BMPR1A: variants seen among roughly 807,000 people sequenced by gnomAD.
BMPR1A encodes the protein bone morphogenetic protein receptor type 1A, also known as bone morphogenetic protein receptor type-1A.
A neutral mutation model predicts 66.0 loss-of-function variants in BMPR1A; 7 were observed. That is an observed-to-expected ratio of 0.11 (90% CI 0.06 to 0.20). The LOEUF (loss-of-function observed/expected upper bound fraction) is 0.20. Ranked by LOEUF, BMPR1A falls within the 10% of genes least tolerant of loss-of-function variation. BMPR1A has a pLI of 1.00. For synonymous variants in BMPR1A, 200 were observed against 229.7 expected, an observed-to-expected ratio of 0.87 and a Z score of 1.17; for missense variants, 408 against 669.1, an observed-to-expected ratio of 0.61 and a Z score of 4.31.
chr10:86,818,615 C>A (rs1185006002), intron 1 of BMPR1A, among the ~76,000 whole-genome samples: 1 of 152,064 alleles, frequency 6.6e-6, no homozygotes, highest in East Asian at 1.9e-4. Context: ...GTAGTATAAG[C>A]AAAACAACAA....
rs1301635068 is a variant in BMPR1A, at chr10:86,919,580, A to G, written c.1166+111A>G. 6 of 1,413,754 alleles carry G rather than the reference A, an allele frequency of 4.2e-6. No homozygotes were observed. The African/African-American group carries it at 7.7e-5, about 18-fold the overall frequency. 87.6% of individuals were successfully genotyped at this position (1,413,754 alleles called of 1,614,324 possible). ...TAAAAATGTGCATATGCTTGTTTTT[A>G]GTTACATAAATGTATAGTTGGGGGG... On this transcript the variant is annotated intron_variant, in intron 10 of 12. Transcript: ENST00000372037.
chr10:86,797,186 T>G (rs1335888866), intron 1 of BMPR1A, among the ~76,000 whole-genome samples: 4 of 148,140 alleles, frequency 2.7e-5, no homozygotes, highest in African/African-American at 9.8e-5. Flanking sequence ...TGCCTCAGCC[T>G]CCAGAGCAGC....
chr10:86,865,601 A>G (rs1194235901), intron 2 of BMPR1A, among the ~76,000 whole-genome samples: 1 of 152,226 alleles, frequency 6.6e-6, no homozygotes, highest in Non-Finnish European at 1.5e-5. Flanking sequence ...ACGCACATGA[A>G]ACTAGGCAAG....
intron 2 of BMPR1A, among the ~76,000 whole-genome samples, chr10:86,849,388 T>C (rs1337465862): frequency 1.3e-5 from 2 of 152,234 alleles, no homozygotes; most frequent in Non-Finnish European, 2.9e-5. Flanking sequence ...ATTATTCAAG[T>C]GTGAGCTTAG....
intron 2 of BMPR1A, among the ~76,000 whole-genome samples, chr10:86,858,338 A>G (rs554951824): frequency 5.3e-4 from 80 of 152,320 alleles, no homozygotes; most frequent in Non-Finnish European, 9.7e-4. Context: ...TGATTCATCT[A>G]TTTGTTAAAC....
chr10:86,842,642 G>A (rs79839446), intron 2 of BMPR1A, among the ~76,000 whole-genome samples: 1,870 of 152,240 alleles, frequency 0.012, 47 homozygotes, highest in African/African-American at 0.043. Context: ...TATGATGGTT[G>A]TGTTAGTCAG....
chr10:86,833,357 A>G (rs1050617616), intron 1 of BMPR1A, among the ~76,000 whole-genome samples: 2 of 152,208 alleles, frequency 1.3e-5, no homozygotes, highest in East Asian at 1.9e-4. Flanking sequence ...CATGAGTCCA[A>G]TGAATAGAGG....
At chr10:86,796,185 A>G (rs997143054) in intron 1 of BMPR1A, among the ~76,000 whole-genome samples, 1 of 152,000 alleles carries the variant, frequency 6.6e-6, no homozygotes, top group Non-Finnish European at 1.5e-5. Context: ...TAGTTAGAAT[A>G]TATGCTTTTT....
intron 1 of BMPR1A, among the ~76,000 whole-genome samples, chr10:86,810,256 C>A (rs1264835433): frequency 3.9e-5 from 6 of 152,194 alleles, no homozygotes; most frequent in East Asian, 1.9e-4. Flanking sequence ...GCTGGGATTA[C>A]AGGCGTGAGC....
chr10:86,811,689 T>C (rs1008467622), intron 1 of BMPR1A, among the ~76,000 whole-genome samples: 3 of 152,226 alleles, frequency 2.0e-5, no homozygotes, highest in African/African-American at 7.2e-5. Context: ...ACACACAATG[T>C]GTGGTTGTGT....
chr10:86,908,942 C>T (rs1843436967), intron 7 of BMPR1A, among the ~76,000 whole-genome samples: 1 of 152,170 alleles, frequency 6.6e-6, no homozygotes, highest in Non-Finnish European at 1.5e-5. Flanking sequence ...GGGAGCATTT[C>T]CTCTACATCC....
chr10:86,766,233 C>A (rs1841160583), intron 1 of BMPR1A, among the ~76,000 whole-genome samples: 1 of 152,062 alleles, frequency 6.6e-6, no homozygotes, highest in Non-Finnish European at 1.5e-5. Flanking sequence ...CTAAAGTGAT[C>A]CTCCCACCTA....
intron 11 of BMPR1A, 140 bp from the exon 12 acceptor site, chr10:86,923,236 T>TAA: frequency 1.1e-6 from 1 of 939,054 alleles, no homozygotes. Flanking sequence ...CATCTACTAT[T>TAA]AAGAGTGAAT....
At position 86,924,585 on chromosome 10, in the gene BMPR1A, C is replaced by T. The variant is rs1843714271; in HGVS notation, c.*866C>T. The T allele has an allele frequency of 4.3e-6, 1 of 233,382 alleles. No homozygotes were observed. The highest frequency in any genetic ancestry group is 8.5e-6 in the Non-Finnish European group (1 of 118,082). The allele number at this position is 233,382 out of a possible 1,614,324, so 14.5% of individuals were successfully genotyped here. A position where few individuals can be genotyped will look rare whatever the true frequency, so the allele number is the denominator to read the frequency against. On this transcript the variant is annotated 3_prime_UTR_variant, in exon 13 of 13. Coordinates refer to ENST00000372037, the MANE Select transcript of BMPR1A (RefSeq NM_004329.3). ...AAGTTGGAGCTTCTATTGCCATGAACCATGCTTACAAAGAAAGCACTTCTT... is the reference window on the plus strand; with the variant it reads ...AAGTTGGAGCTTCTATTGCCATGAATCATGCTTACAAAGAAAGCACTTCTT...
chr10:86,785,259 G>A (rs1212539098), intron 1 of BMPR1A, among the ~76,000 whole-genome samples: 3 of 152,184 alleles, frequency 2.0e-5, no homozygotes, highest in African/African-American at 7.2e-5. Context: ...TGTTGCATGT[G>A]TACTTGAGAA....
intron 2 of BMPR1A, among the ~76,000 whole-genome samples, chr10:86,870,471 GGAGTGCAGTGGCATAATCAAA>G (rs1842841880): frequency 6.6e-6 from 1 of 152,156 alleles, no homozygotes; most frequent in African/African-American, 2.4e-5. Context: ...TGCCCAGGCT[GGAGTGCAGTGGCATAATCAAA>G]GTTCACTGCA....
At chr10:86,900,585 A>G (rs1843295554) in intron 7 of BMPR1A, among the ~76,000 whole-genome samples, 1 of 152,220 alleles carries the variant, frequency 6.6e-6, no homozygotes, top group African/African-American at 2.4e-5. Flanking sequence ...ACCAACCTAG[A>G]TACATTAATG....
At chr10:86,848,172 C>T (rs533207214) in intron 2 of BMPR1A, among the ~76,000 whole-genome samples, 144 of 152,160 alleles carry the variant, frequency 9.5e-4, no homozygotes, top group African/African-American at 3.3e-3. Flanking sequence ...ACCTCAAGGC[C>T]GAACTGCCTT....
chr10:86,895,367 G>A (rs1262350798), intron 5 of BMPR1A, among the ~76,000 whole-genome samples: 4 of 151,616 alleles, frequency 2.6e-5, no homozygotes, highest in Non-Finnish European at 5.9e-5. Context: ...GCGACACCCC[G>A]TCTCTACTGA....
Sources: allele counts gnomAD v4.1 joint callset (sites outside exome capture counted in the v4.1 genomes callset), GRCh38; gene constraint gnomAD v4.1.1; transcripts MANE v1.5; gene names NCBI Gene and HGNC (gene_info 2026-07-23, HGNC 2026-07-21).